SUPT3H: variants seen among roughly 807,000 people sequenced by gnomAD.
SUPT3H encodes transcription initiation protein SPT3 homolog.
In SUPT3H, 44 loss-of-function variants were observed where a neutral mutation model predicts 44.3. The observed-to-expected ratio is 0.99, with a 90% CI of 0.78 to 1.28. SUPT3H has a LOEUF of 1.28. SUPT3H is among the 50% of genes most tolerant of loss of function. The probability of loss-of-function intolerance (pLI) is 0.00; values close to 1 mark genes in which losing one functional copy is unlikely to be tolerated. For synonymous variants in SUPT3H, 124 were observed against 125.6 expected, an observed-to-expected ratio of 0.99 and a Z score of 0.09; for missense variants, 380 against 387.1, an observed-to-expected ratio of 0.98 and a Z score of 0.15.
Position 45,250,350 on chromosome 6 carries a change from G to A in SUPT3H, c.101+114851C>T, listed in dbSNP as rs147897336. Among the ~76,000 whole-genome samples, 594 of 147,856 alleles carry A rather than the reference G, an allele frequency of 4.0e-3. 8 individuals are homozygous for A. The highest frequency in any genetic ancestry group is 2.6e-3 in the Non-Finnish European group (175 of 66,454). On this transcript the variant is annotated intron_variant, in intron 2 of 10. Transcript: ENST00000371459. The stretch of plus-strand genomic sequence containing the variant: ...CTTTCAATGAAAAAAAAATGTAAAA[G>A]AAACATTAAGGCAATAAAAAAATAA...
intron 9 of SUPT3H, among the ~76,000 whole-genome samples, chr6:44,940,228 G>T (rs973707798): frequency 6.6e-6 from 1 of 151,828 alleles, no homozygotes; most frequent in African/African-American, 2.4e-5. Flanking sequence ...TATACCACAG[G>T]TTTCAGTGCG....
At chr6:45,176,054 A>T (rs188958503) in intron 2 of SUPT3H, among the ~76,000 whole-genome samples, 2 of 152,182 alleles carry the variant, frequency 1.3e-5, no homozygotes, top group Non-Finnish European at 2.9e-5. Flanking sequence ...ATTTAAAACT[A>T]TATCTTGGGG....
At chr6:44,976,392 C>T (rs1003196225) in intron 6 of SUPT3H, among the ~76,000 whole-genome samples, 6 of 151,548 alleles carry the variant, frequency 4.0e-5, no homozygotes, top group Non-Finnish European at 8.8e-5. Context: ...GACAGAGTCT[C>T]ACTCTGTTGC....
intron 2 of SUPT3H, among the ~76,000 whole-genome samples, chr6:45,212,078 A>C (rs6458428): frequency 0.4 from 60,359 of 151,512 alleles, 12,380 homozygotes; most frequent in East Asian, 0.71. Flanking sequence ...AGATGAGAGA[A>C]TTCCTTGAAC....
rs141781907 is a variant in SUPT3H, at chr6:45,105,700, G to C, written c.186+222C>G. Among the ~76,000 whole-genome samples the C allele has an allele frequency of 2.6e-3, 391 of 152,192 alleles. 3 individuals are homozygous for C. Among genetic ancestry groups the C allele is most frequent in the African/African-American group, 8.6e-3 (357 of 41,524 alleles). The stretch of plus-strand genomic sequence containing the variant: ...TTTGTTTTAGATTATGCAAATTTTC[G>C]ATATCATGATTGTGTTATAAGTTAA... On this transcript the variant is annotated intron_variant, in intron 3 of 10. Coordinates refer to ENST00000371459, the MANE Select transcript of SUPT3H (RefSeq NM_003599.4).
chr6:44,857,294 AG>A (rs1299829497), intron 10 of SUPT3H, among the ~76,000 whole-genome samples: 1 of 152,230 alleles, frequency 6.6e-6, no homozygotes, highest in Non-Finnish European at 1.5e-5. Flanking sequence ...GTTTTATCTT[AG>A]TAAAAGGACA....
chr6:45,042,130 C>T (rs774505471), intron 3 of SUPT3H, among the ~76,000 whole-genome samples: 1 of 151,956 alleles, frequency 6.6e-6, no homozygotes, highest in African/African-American at 2.4e-5. Context: ...GTTTAAAAAT[C>T]CATTCAGTCT....
chr6:45,026,744 T>G (rs904187332), intron 3 of SUPT3H, among the ~76,000 whole-genome samples: 4 of 152,116 alleles, frequency 2.6e-5, no homozygotes, highest in Non-Finnish European at 5.9e-5. Context: ...TTAAAAATTA[T>G]CAGATGACTT....
intron 2 of SUPT3H, among the ~76,000 whole-genome samples, chr6:45,267,832 C>T (rs1448254613): frequency 2.2e-5 from 2 of 92,086 alleles, no homozygotes; most frequent in Non-Finnish European, 6.2e-5. Context: ...ACCTAGGTTG[C>T]CCCCTAATCC....
chr6:44,912,173 AC>A (rs1767149215), intron 10 of SUPT3H, among the ~76,000 whole-genome samples: 2 of 152,316 alleles, frequency 1.3e-5, no homozygotes, highest in South Asian at 4.1e-4. Flanking sequence ...ATAATATTGT[AC>A]AAGCATCATC....
intron 2 of SUPT3H, among the ~76,000 whole-genome samples, chr6:45,177,395 G>C (rs1812162312): frequency 6.6e-6 from 1 of 152,158 alleles, no homozygotes; most frequent in Non-Finnish European, 1.5e-5. Flanking sequence ...AACGAGTAAA[G>C]CCTCCAAGAA....
rs867414422 is a variant in SUPT3H at position 45,022,425 on chromosome 6, T to A, written c.187-1793A>T. On this transcript the variant is annotated intron_variant, in intron 3 of 10. Coordinates refer to ENST00000371459, the MANE Select transcript of SUPT3H (RefSeq NM_003599.4). ...ACATTTGGAATCACTGTTTTTTTTTTTTTTTTTTATTTTCAGAACCAATAC... is the reference window on the plus strand; with the variant it reads ...ACATTTGGAATCACTGTTTTTTTTTATTTTTTTTATTTTCAGAACCAATAC... Among the ~76,000 whole-genome samples the A allele has an allele frequency of 5.5e-3, 829 of 152,022 alleles. 11 individuals carry two copies. The highest frequency in any genetic ancestry group is 0.019 in the African/African-American group (783 of 41,514).
At chr6:45,266,787 G>C (rs2153659879) in intron 2 of SUPT3H, among the ~76,000 whole-genome samples, 1 of 152,082 alleles carries the variant, frequency 6.6e-6, no homozygotes, top group African/African-American at 2.4e-5. Context: ...TAGCCATTAA[G>C]GAACATCTTC....
intron 10 of SUPT3H, among the ~76,000 whole-genome samples, chr6:44,857,398 C>A (rs1046584733): frequency 6.6e-6 from 1 of 152,106 alleles, no homozygotes; most frequent in Admixed American, 6.6e-5. Context: ...TGGGAGAGAT[C>A]TGACTGCTAC....
At chr6:45,321,496 T>C (rs992223715) in intron 2 of SUPT3H, among the ~76,000 whole-genome samples, 6 of 152,174 alleles carry the variant, frequency 3.9e-5, no homozygotes, top group Non-Finnish European at 8.8e-5. Context: ...ATATCTCTTT[T>C]AAGACTATGG....
chr6:44,956,971 G>A (rs685327), intron 7 of SUPT3H, among the ~76,000 whole-genome samples: 149,207 of 152,304 alleles, frequency 0.98, 73,099 homozygotes, highest in Middle Eastern at 1. Context: ...AGAACCAAGC[G>A]CGTATGTAAC....
chr6:45,250,185 T>C (rs373613279), intron 2 of SUPT3H, among the ~76,000 whole-genome samples: 5 of 151,826 alleles, frequency 3.3e-5, no homozygotes, highest in Admixed American at 2.6e-4. Flanking sequence ...ACATGAAAGA[T>C]GGTGAGCAAA....
At chr6:44,950,592 C>T (rs569559511) in intron 9 of SUPT3H, among the ~76,000 whole-genome samples, 6 of 152,192 alleles carry the variant, frequency 3.9e-5, no homozygotes, top group African/African-American at 1.4e-4. Flanking sequence ...CACTGCACTC[C>T]AGCCTGGGCA....
intron 6 of SUPT3H, among the ~76,000 whole-genome samples, chr6:44,966,911 G>C (rs1422964590): frequency 6.6e-6 from 1 of 152,102 alleles, no homozygotes; most frequent in Non-Finnish European, 1.5e-5. Flanking sequence ...TCCTATCTCA[G>C]ACGGCCACAT....
Sources: gnomAD v4.1 joint callset for allele counts (sites outside exome capture counted in the v4.1 genomes callset) on GRCh38, gnomAD v4.1.1 for gene constraint, MANE v1.5 for transcripts, NCBI Gene and HGNC (gene_info 2026-07-23, HGNC 2026-07-21) for gene names.